The following GAB1 variants were observed in gnomAD, a reference collection of about 807,000 sequenced individuals.
GAB1 encodes GRB2-associated-binding protein 1.
GAB1 carries 19 observed loss-of-function variants against 66.5 expected under a neutral mutation model. That is an observed-to-expected ratio of 0.29 (90% CI 0.20 to 0.42). The LOEUF is 0.42. Among genes scored for constraint, GAB1 ranks in the 10% least tolerant of loss-of-function variants. The pLI is 1.00. For synonymous variants in GAB1, 294 were observed against 301.4 expected, an observed-to-expected ratio of 0.98 and a Z score of 0.25; for missense variants, 732 against 858.5, an observed-to-expected ratio of 0.85 and a Z score of 1.84.
At chr4:143,377,286 A>G (rs1001957956) in intron 1 of GAB1, among the ~76,000 whole-genome samples, 2 of 152,328 alleles carry the variant, frequency 1.3e-5, no homozygotes, top group African/African-American at 4.8e-5. Context: ...GTTTCTTTTA[A>G]TAGACATAGT....
At chr4:143,439,563 A>C (rs1028576959) in intron 4 of GAB1, 5 of 441,354 alleles carry the variant, frequency 1.1e-5, no homozygotes, top group African/African-American at 9.8e-5. Context: ...AGACTTAGAC[A>C]TTCACTCACA....
chr4:143,461,843 T>G (rs1735509771), intron 8 of GAB1, among the ~76,000 whole-genome samples: 1 of 152,230 alleles, frequency 6.6e-6, no homozygotes, highest in Non-Finnish European at 1.5e-5. Context: ...TGAATTGGTT[T>G]TTCATCCTTA....
chr4:143,424,962 GAAA>G, intron 2 of GAB1: 4 of 586,440 alleles, frequency 6.8e-6, no homozygotes, highest in South Asian at 3.9e-5. Flanking sequence ...TTTAAAAAAA[GAAA>G]AAAAAAGGCC....
rs1414345540 is a variant in GAB1 at position 143,392,863 on chromosome 4, T to G, written c.73-22614T>G. ...TATAGCTATCCATCTGTAAAGAAGA[T>G]GGATATCTGAGGTTTTTTACTTCTG... On this transcript the variant is annotated intron_variant, in intron 1 of 9. Transcript: ENST00000262994. Among the ~76,000 whole-genome samples the G allele has an allele frequency of 2.6e-5, 4 of 152,254 alleles. No homozygotes were observed. The East Asian group carries it at 7.7e-4, about 29-fold the overall frequency.
intron 1 of GAB1, among the ~76,000 whole-genome samples, chr4:143,345,285 G>T (rs1339124254): frequency 6.6e-6 from 1 of 152,050 alleles, no homozygotes; most frequent in Non-Finnish European, 1.5e-5. Context: ...TTCTGATGGT[G>T]GTTTTCTTTT....
chr4:143,356,452 A>C (rs1195090434), intron 1 of GAB1, among the ~76,000 whole-genome samples: 2 of 143,358 alleles, frequency 1.4e-5, no homozygotes, highest in Non-Finnish European at 3.1e-5. Context: ...AAAGAATGTA[A>C]ATGGTTAATG....
At chr4:143,410,742 C>T (rs1056091220) in intron 1 of GAB1, among the ~76,000 whole-genome samples, 2 of 152,160 alleles carry the variant, frequency 1.3e-5, no homozygotes, top group African/African-American at 2.4e-5. Context: ...ATGGGCTGGG[C>T]AGATCGCAGT....
At chr4:143,360,773 A>G (rs2196909) in intron 1 of GAB1, among the ~76,000 whole-genome samples, 80,345 of 151,978 alleles carry the variant, frequency 0.53, 22,781 homozygotes, top group African/African-American at 0.74. Context: ...TTTAAGTACC[A>G]TGGTAAAAGT....
intron 6 of GAB1, among the ~76,000 whole-genome samples, chr4:143,458,418 A>G (rs1004661943): frequency 1.3e-5 from 2 of 152,118 alleles, no homozygotes; most frequent in Admixed American, 1.3e-4. Flanking sequence ...CTATGCCATA[A>G]CATACATGGA....
intron 6 of GAB1, chr4:143,457,794 G>A (rs377421639): frequency 5.2e-6 from 6 of 1,162,972 alleles, no homozygotes; most frequent in African/African-American, 1.6e-5. Context: ...ACCGCATGCT[G>A]TATGGGGCAT....
intron 1 of GAB1, among the ~76,000 whole-genome samples, chr4:143,379,074 G>A (rs764227303): frequency 1.9e-4 from 29 of 152,226 alleles, no homozygotes; most frequent in Non-Finnish European, 3.4e-4. Flanking sequence ...GGGGGACTCA[G>A]TGGCCATTGC....
chr4:143,384,714 T>G (rs1407648564), intron 1 of GAB1, among the ~76,000 whole-genome samples: 1 of 152,180 alleles, frequency 6.6e-6, no homozygotes, highest in Non-Finnish European at 1.5e-5. Flanking sequence ...CTCTGTTCAG[T>G]CTGGTGTAGC....
chr4:143,442,610 A>G (rs1041694915), intron 6 of GAB1, among the ~76,000 whole-genome samples: 3 of 152,172 alleles, frequency 2.0e-5, no homozygotes, highest in Admixed American at 1.3e-4. Flanking sequence ...TTTTATGTAT[A>G]TATCAGAATA....
intron 3 of GAB1, among the ~76,000 whole-genome samples, chr4:143,435,713 C>T (rs1472277379): frequency 2.0e-5 from 3 of 152,080 alleles, no homozygotes; most frequent in Non-Finnish European, 4.4e-5. Context: ...GATATAGTCA[C>T]CTTTGGAGTT....
rs978710104 is a variant in GAB1, at chr4:143,423,332, T to C, written c.367+7561T>C. 5.9e-5 allele frequency among the ~76,000 whole-genome samples: 9 copies of C among 152,280 alleles called. No individual in the cohort carries two copies. The East Asian group carries it at 1.6e-3, about 26-fold the overall frequency. ...GTGGTTGGGGTTTCTTTAATGGCTG[T>C]TTAAAGGTCTTTTCATGATCTTGCT... On this transcript the variant is annotated intron_variant, in intron 2 of 9. Transcript: ENST00000262994.
intron 6 of GAB1, among the ~76,000 whole-genome samples, chr4:143,448,688 T>A (rs201299496): frequency 2.0e-5 from 3 of 151,468 alleles, no homozygotes; most frequent in Admixed American, 6.6e-5. Flanking sequence ...TCTTTTTTTC[T>A]TTATTAGTCT....
chr4:143,337,319 G>A (rs1728692367), intron 1 of GAB1, 59 bp downstream of exon 1: 1 of 1,448,656 alleles, frequency 6.9e-7, no homozygotes, highest in Non-Finnish European at 9.5e-7. Flanking sequence ...CTCCCCAGTC[G>A]GCTCGCCGGC....
chr4:143,433,615 A>C lies in GAB1; in HGVS notation c.492A>C (p.Leu164=), dbSNP rs1733791222. 1.9e-6 allele frequency: 3 copies of C among 1,613,904 alleles called. No homozygotes were observed. The highest frequency in any genetic ancestry group is 1.7e-6 in the Non-Finnish European group (2 of 1,179,846). Residue 164 remains leucine, a synonymous_variant, in exon 3 of 10, where the codon CTA becomes CTC. Transcript: ENST00000262994. ...SSATLPPPYQ[L]INVPPHLETL... ...CTACTCTACCTCCTCCATATCAGCT[A>C]ATCAATGTTCCACCACACCTGGAAA... is the stretch of plus-strand genomic sequence containing the variant.
At chr4:143,387,680 C>G (rs34234071) in intron 1 of GAB1, among the ~76,000 whole-genome samples, 1 of 152,128 alleles carries the variant, frequency 6.6e-6, no homozygotes, top group African/African-American at 2.4e-5. Flanking sequence ...TGACTTCTTA[C>G]GGGTCTCCCT....
Sources: allele counts gnomAD v4.1 joint callset (sites outside exome capture counted in the v4.1 genomes callset), GRCh38; gene constraint gnomAD v4.1.1; transcripts MANE v1.5; gene names NCBI Gene and HGNC (gene_info 2026-07-23, HGNC 2026-07-21).